ARHGAP40: variants seen among roughly 807,000 people sequenced by gnomAD.
ARHGAP40 encodes the protein rho GTPase-activating protein 40.
ARHGAP40 carries 43 observed loss-of-function variants against 73.5 expected under a neutral mutation model. That is an observed-to-expected ratio of 0.58 (90% CI 0.46 to 0.75). The LOEUF (loss-of-function observed/expected upper bound fraction) is 0.75, where lower values mean the gene tolerates loss of function less well. ARHGAP40 is among the 30% of genes least tolerant of loss of function. The pLI is 0.00. For missense variants in ARHGAP40, 734 were observed against 861.8 expected, an observed-to-expected ratio of 0.85 and a Z score of 1.86; for synonymous variants, 300 against 352.8, an observed-to-expected ratio of 0.85 and a Z score of 1.68.
intron 1 of ARHGAP40, among the ~76,000 whole-genome samples, chr20:38,605,890 T>G (rs143648064): frequency 5.4e-5 from 8 of 147,318 alleles, no homozygotes; most frequent in African/African-American, 2.2e-4. Flanking sequence ...AACATTATTC[T>G]TTTTTTTTCT....
At chr20:38,615,158 T>A (rs2088827732) in intron 1 of ARHGAP40, 3 of 936,590 alleles carry the variant, frequency 3.2e-6, no homozygotes, top group Non-Finnish European at 3.6e-6. Flanking sequence ...GGATGTTGTC[T>A]GAAGCATGAT....
intron 5 of ARHGAP40, among the ~76,000 whole-genome samples, chr20:38,634,075 G>A (rs925124354): frequency 2.0e-5 from 3 of 152,176 alleles, no homozygotes; most frequent in South Asian, 4.1e-4. Flanking sequence ...TTATGAGGTC[G>A]TTGCCGTGGC....
In ARHGAP40 at chr20:38,647,128, T is replaced by C. The variant is rs752579686; in HGVS notation, c.1880+2T>C. ...GGACATGGACAGCCTCCTTCTACAG[T>C]AAGAGGCACCTCCTGGAGGCAGGAG... On this transcript the variant is annotated splice_donor_variant, in intron 13 of 14. Transcript: ENST00000373345. LOFTEE classifies it high-confidence loss of function. 3.8e-5 allele frequency: 50 copies of C among 1,303,206 alleles called. No individual in the cohort carries two copies. In the South Asian group the frequency reaches 5.9e-4, roughly 15 times the overall value. The allele number at this position is 1,303,206 out of a possible 1,614,324, so 80.7% of individuals were successfully genotyped here. A position where few individuals can be genotyped will look rare whatever the true frequency, so the allele number is the denominator to read the frequency against.
At chr20:38,611,828 C>A (rs1233601596) in intron 1 of ARHGAP40, among the ~76,000 whole-genome samples, 1 of 152,062 alleles carries the variant, frequency 6.6e-6, no homozygotes, top group Non-Finnish European at 1.5e-5. Flanking sequence ...CCCACCTCGG[C>A]CTCCCAAAGT....
intron 1 of ARHGAP40, among the ~76,000 whole-genome samples, chr20:38,622,024 A>G (rs896965181): frequency 6.6e-6 from 1 of 152,170 alleles, no homozygotes; most frequent in African/African-American, 2.4e-5. Flanking sequence ...ACTGCACTCC[A>G]GCCTGGGCCA....
chr20:38,639,222 T>C lies in ARHGAP40; in HGVS notation c.1120-5T>C. The C allele has an allele frequency of 7.7e-7, 1 of 1,305,248 alleles. No homozygotes were observed. The highest frequency in any genetic ancestry group is 1.2e-5 in the South Asian group (1 of 81,032). The allele number at this position is 1,305,248 out of a possible 1,614,324, so 80.9% of individuals were successfully genotyped here. ...ACTGTGTTTTCATGCCCCGCCTTCC[T>C]GTAGGGGCTGGAACAGAAACTGGAG... On this transcript the variant is annotated splice_polypyrimidine_tract_variant and splice_region_variant and intron_variant, in intron 8 of 14. Coordinates refer to ENST00000373345, the Ensembl canonical transcript of ARHGAP40.
At chr20:38,647,210 C>T (rs1222319516) in intron 13 of ARHGAP40, 84 bp downstream of exon 13, 1 of 1,186,622 alleles carries the variant, frequency 8.4e-7, no homozygotes, top group Non-Finnish European at 1.1e-6. Context: ...CAGGGGGTTA[C>T]ACATACTGTT....
At chr20:38,617,911 A>G (rs1300499779) in intron 1 of ARHGAP40, among the ~76,000 whole-genome samples, 1 of 152,190 alleles carries the variant, frequency 6.6e-6, no homozygotes, top group East Asian at 1.9e-4. Context: ...AGGGCTCGAT[A>G]AACATTTGCT....
chr20:38,626,618 G>A (rs1469987710), intron 2 of ARHGAP40, among the ~76,000 whole-genome samples: 1 of 152,218 alleles, frequency 6.6e-6, no homozygotes, highest in Non-Finnish European at 1.5e-5. Context: ...AACTTCCCAA[G>A]GGGACACCAT....
intron 14 of ARHGAP40, 126 bp downstream of exon 14, chr20:38,648,824 T>C (rs767184249): frequency 3.0e-5 from 20 of 671,590 alleles, no homozygotes; most frequent in Non-Finnish European, 4.3e-5. Context: ...CCTTCAGGTC[T>C]CTGTCTTCAA....
At chr20:38,638,645 G>A in intron 7 of ARHGAP40, 116 bp from the exon 8 acceptor site, 3 of 681,390 alleles carry the variant, frequency 4.4e-6, no homozygotes, top group Non-Finnish European at 6.8e-6. Context: ...TTATTCCGAA[G>A]GAAACCCTTC....
At chr20:38,648,790 G>C (rs2145617746) in intron 14 of ARHGAP40, 92 bp downstream of exon 14, 2 of 1,036,246 alleles carry the variant, frequency 1.9e-6, no homozygotes, top group East Asian at 6.0e-5. Context: ...TGGGAGGCCA[G>C]AGTAGGCCTG....
chr20:38,608,540 C>T (rs183421164), intron 1 of ARHGAP40, among the ~76,000 whole-genome samples: 129 of 152,316 alleles, frequency 8.5e-4, no homozygotes, highest in African/African-American at 2.8e-3. Context: ...TTCATCCTCA[C>T]TGCCTTCTGT....
At chr20:38,605,188 G>T (rs2088763964) in intron 1 of ARHGAP40, among the ~76,000 whole-genome samples, 1 of 152,180 alleles carries the variant, frequency 6.6e-6, no homozygotes, top group South Asian at 2.1e-4. Flanking sequence ...CTGGCACAGG[G>T]CTGGCTTGTT....
At chr20:38,649,609 T>C (rs1004069269) in intron 14 of ARHGAP40, 148 bp from the exon 15 acceptor site, 42 of 414,798 alleles carry the variant, frequency 1.0e-4, no homozygotes, top group Middle Eastern at 6.9e-4. Flanking sequence ...CGGAGCTCAG[T>C]TCTCCAGCAA....
chr20:38,643,883 G>A (rs1240704211), exon 11 of ARHGAP40: 1 of 1,304,692 alleles, frequency 7.7e-7, no homozygotes, highest in East Asian at 5.5e-5. Flanking sequence ...TGCAGATAAT[G>A]GTGCACTACC....
chr20:38,641,205 C>T (rs1032148846), intron 9 of ARHGAP40, among the ~76,000 whole-genome samples: 19 of 152,152 alleles, frequency 1.2e-4, no homozygotes, highest in African/African-American at 4.1e-4. Flanking sequence ...CCAGCCAGCT[C>T]TCAGCTGCTG....
intron 1 of ARHGAP40, among the ~76,000 whole-genome samples, chr20:38,610,026 AG>A (rs745359541): frequency 6.6e-5 from 10 of 152,236 alleles, no homozygotes; most frequent in Non-Finnish European, 1.3e-4. Flanking sequence ...GCCTAAGAGG[AG>A]GTGTAACCAT....
At chr20:38,634,631 C>T in exon 6 of ARHGAP40, 1 of 1,305,456 alleles carries the variant, frequency 7.7e-7, no homozygotes, top group Non-Finnish European at 1.0e-6. Flanking sequence ...AGTTTACCGT[C>T]CCCAAAGGCA....
Sources: allele counts gnomAD v4.1 joint callset (sites outside exome capture counted in the v4.1 genomes callset), GRCh38; gene constraint gnomAD v4.1.1; transcripts MANE v1.5; gene names NCBI Gene and HGNC (gene_info 2026-07-23, HGNC 2026-07-21).